The following EPHA5 variants were observed in gnomAD, a reference collection of about 807,000 sequenced individuals.
EPHA5 encodes the protein ephrin type-A receptor 5.
In EPHA5, 60 loss-of-function variants were observed where a neutral mutation model predicts 105.0. The observed-to-expected ratio is 0.57, with a 90% confidence interval of 0.46 to 0.71. EPHA5 has a LOEUF of 0.71. Ranked by LOEUF, EPHA5 falls within the 30% of genes least tolerant of loss-of-function variation. The probability of loss-of-function intolerance (pLI) is 0.00; values close to 1 mark genes in which losing one functional copy is unlikely to be tolerated. For missense variants in EPHA5, 1,218 were observed against 1,274.7 expected (o/e 0.96, Z 0.68); for synonymous variants, 513 against 449.1 (o/e 1.14, Z -1.80).
At chr4:65,408,845 T>C (rs1427741901) in intron 7 of EPHA5, among the ~76,000 whole-genome samples, 3 of 151,886 alleles carry the variant, frequency 2.0e-5, no homozygotes, top group African/African-American at 7.3e-5. Flanking sequence ...ACTGGGTATA[T>C]ACCCAAAGGA....
chr4:65,603,758 C>T (rs1054255035), intron 2 of EPHA5, among the ~76,000 whole-genome samples: 1 of 152,014 alleles, frequency 6.6e-6, no homozygotes, highest in African/African-American at 2.4e-5. Flanking sequence ...TTACCTAAAG[C>T]CTCAGTTCTT....
intron 14 of EPHA5, among the ~76,000 whole-genome samples, chr4:65,344,234 A>C (rs1456411078): frequency 6.6e-6 from 1 of 152,138 alleles, no homozygotes; most frequent in Non-Finnish European, 1.5e-5. Context: ...CTTACTCTTC[A>C]GCCATTTTGC....
intron 5 of EPHA5, among the ~76,000 whole-genome samples, chr4:65,475,355 T>A (rs1479650922): frequency 6.6e-6 from 1 of 152,140 alleles, no homozygotes; most frequent in African/African-American, 2.4e-5. Flanking sequence ...CATGAACAAG[T>A]TATTTCAACA....
chr4:65,637,400 C>T (rs958615453), intron 2 of EPHA5, among the ~76,000 whole-genome samples: 8 of 151,190 alleles, frequency 5.3e-5, no homozygotes, highest in Non-Finnish European at 1.2e-4. Context: ...GCATACTCTC[C>T]TATATGGCAG....
chr4:65,523,588 A>G (rs1734962348), intron 3 of EPHA5, among the ~76,000 whole-genome samples: 1 of 152,036 alleles, frequency 6.6e-6, no homozygotes, highest in African/African-American at 2.4e-5. Context: ...ACAGTTTTAA[A>G]TTGAGTTTGC....
At chr4:65,626,095 C>T (rs1420441289) in intron 2 of EPHA5, among the ~76,000 whole-genome samples, 6 of 75,738 alleles carry the variant, frequency 7.9e-5, no homozygotes, top group African/African-American at 2.6e-4. Flanking sequence ...AGCGACACTC[C>T]GTCTCAAAAA....
In EPHA5 at chr4:65,450,047, T is replaced by C. The variant is rs116110539; in HGVS notation, c.1403-29482A>G. 3.1e-3 allele frequency among the ~76,000 whole-genome samples: 470 copies of C among 152,268 alleles called. 3 individuals carry two copies. The highest frequency in any genetic ancestry group is 0.014 in the Middle Eastern group (4 of 294). On this transcript the variant is annotated intron_variant, in intron 5 of 16. Coordinates refer to ENST00000613740, the MANE Select transcript of EPHA5 (RefSeq NM_001281766.3). The stretch of plus-strand genomic sequence containing the variant: ...AAATGAATACAGGTATCAACATAGA[T>C]AAACGTTTAAAGCATTAAAAAGAAA...
At chr4:65,656,423 G>A (rs1366258590) in intron 1 of EPHA5, among the ~76,000 whole-genome samples, 1 of 151,120 alleles carries the variant, frequency 6.6e-6, no homozygotes, top group Non-Finnish European at 1.5e-5. Flanking sequence ...TGATGATAGT[G>A]AGATTTTCTT....
At chr4:65,401,096 T>C (rs1024585359) in intron 8 of EPHA5, among the ~76,000 whole-genome samples, 1 of 151,788 alleles carries the variant, frequency 6.6e-6, no homozygotes, top group African/African-American at 2.4e-5. Context: ...CAATCATGTT[T>C]TAGCACAGAG....
At chr4:65,652,468 A>G (rs1748693064) in intron 1 of EPHA5, among the ~76,000 whole-genome samples, 1 of 152,134 alleles carries the variant, frequency 6.6e-6, no homozygotes, top group African/African-American at 2.4e-5. Context: ...CATTTTACAG[A>G]TGAGGAAATG....
chr4:65,512,170 A>G (rs1733688433), intron 3 of EPHA5, among the ~76,000 whole-genome samples: 1 of 152,174 alleles, frequency 6.6e-6, no homozygotes, highest in Admixed American at 6.5e-5. Context: ...ATGAGGTAAA[A>G]CATGATCACT....
intron 2 of EPHA5, among the ~76,000 whole-genome samples, chr4:65,604,802 C>T (rs1238914075): frequency 1.3e-5 from 2 of 151,488 alleles, no homozygotes; most frequent in Non-Finnish European, 2.9e-5. Flanking sequence ...AGACGTATTC[C>T]TAGACACTTT....
chr4:65,532,179 T>C (rs956008960), intron 3 of EPHA5, among the ~76,000 whole-genome samples: 1 of 152,082 alleles, frequency 6.6e-6, no homozygotes, highest in Non-Finnish European at 1.5e-5. Context: ...TAAATCTCAT[T>C]TTTGACAACG....
chr4:65,466,574 C>G (rs937834894), intron 5 of EPHA5, among the ~76,000 whole-genome samples: 1 of 152,138 alleles, frequency 6.6e-6, no homozygotes. Context: ...TAAGGACATT[C>G]ACCAGGGGAC....
At chr4:65,495,343 A>C (rs1369199690) in intron 4 of EPHA5, 45 bp downstream of exon 4, 7 of 1,584,846 alleles carry the variant, frequency 4.4e-6, no homozygotes, top group Non-Finnish European at 6.0e-6. Context: ...GTTTCCTCAA[A>C]ACTGGTTAAA....
intron 7 of EPHA5, among the ~76,000 whole-genome samples, chr4:65,412,039 A>C (rs1722960199): frequency 6.6e-6 from 1 of 152,132 alleles, no homozygotes; most frequent in South Asian, 2.1e-4. Context: ...GACCAGACTG[A>C]CCAACATGGA....
intron 8 of EPHA5, among the ~76,000 whole-genome samples, chr4:65,392,586 C>T (rs1284859326): frequency 6.6e-6 from 1 of 151,904 alleles, no homozygotes; most frequent in East Asian, 1.9e-4. Flanking sequence ...TAAGCATGTC[C>T]AGATGTCAAA....
At chr4:65,465,378 A>G (rs1728515217) in intron 5 of EPHA5, among the ~76,000 whole-genome samples, 2 of 151,728 alleles carry the variant, frequency 1.3e-5, no homozygotes, top group Non-Finnish European at 2.9e-5. Context: ...GTGAGCCGAG[A>G]TCGTGCCATT....
intron 3 of EPHA5, among the ~76,000 whole-genome samples, chr4:65,536,330 G>C (rs1444595602): frequency 6.6e-6 from 1 of 151,826 alleles, no homozygotes; most frequent in African/African-American, 2.4e-5. Flanking sequence ...TCTTGTAATC[G>C]TTCCTTTATT....
Sources: allele counts gnomAD v4.1 joint callset (sites outside exome capture counted in the v4.1 genomes callset), GRCh38; gene constraint gnomAD v4.1.1; transcripts MANE v1.5; gene names NCBI Gene and HGNC (gene_info 2026-07-23, HGNC 2026-07-21).